DENND3: variants seen among roughly 807,000 people sequenced by gnomAD.
The protein encoded by DENND3 is DENN domain-containing protein 3.
In DENND3, 88 loss-of-function variants were observed where a neutral mutation model predicts 135.1. That is an observed-to-expected ratio of 0.65 (90% confidence interval 0.55 to 0.78). DENND3 has a LOEUF of 0.78. Among genes scored for constraint, DENND3 ranks in the 30% least tolerant of loss-of-function variants. DENND3 has a pLI of 0.00. For synonymous variants in DENND3, 693 were observed against 712.3 expected, an observed-to-expected ratio of 0.97 and a Z score of 0.43; for missense variants, 1,392 against 1,688.4, an observed-to-expected ratio of 0.82 and a Z score of 3.08.
intron 10 of DENND3, among the ~76,000 whole-genome samples, chr8:141,163,777 G>A (rs1039076294): frequency 6.6e-6 from 1 of 151,790 alleles, no homozygotes; most frequent in African/African-American, 2.4e-5. Flanking sequence ...GTGTGGTAGT[G>A]CACGCCTGTA....
rs898497499 is a variant in DENND3, at chr8:141,151,534, C to T, written c.856-85C>T. ...TATGATCACACCACTGCACTCCAGC[C>T]TGGGCTGGGCAACACAGCGAGACCC... On this transcript the variant is annotated intron_variant, in intron 6 of 22. Transcript: ENST00000519811. 1.7e-5 allele frequency: 23 copies of T among 1,330,848 alleles called. No homozygotes were observed. The African/African-American group carries it at 3.1e-4, about 18-fold the overall frequency. The allele number at this position is 1,330,848 out of a possible 1,614,324, so 82.4% of individuals were successfully genotyped here.
intron 14 of DENND3, among the ~76,000 whole-genome samples, 154 bp from the exon 15 acceptor site, chr8:141,176,437 C>G (rs1421697169): frequency 6.6e-6 from 1 of 152,188 alleles, no homozygotes; most frequent in Non-Finnish European, 1.5e-5. Context: ...GGAACACTGC[C>G]CCTCACCCGG....
intron 1 of DENND3, among the ~76,000 whole-genome samples, chr8:141,135,396 C>T (rs1017597686): frequency 1.3e-5 from 2 of 152,164 alleles, no homozygotes; most frequent in Non-Finnish European, 2.9e-5. Context: ...AAGCAGTCCT[C>T]CCGCTTTGGC....
chr8:141,192,551 C>A lies in DENND3; in HGVS notation c.3524C>A (p.Ala1175Glu). The A allele has an allele frequency of 6.3e-7, 1 of 1,586,910 alleles. No homozygotes were observed. ...GAGGAGCAGCTGTGGGCGGCCTGTG[C>A]AGGACGCAGCGAGGTTTACATCTGG... Reference protein sequence around the residue: ...PEEEQLWAACAGRSEVYIWSL... With the variant: ...PEEEQLWAACEGRSEVYIWSL... The change falls in exon 22 of 23, where the codon GCA (alanine) becomes GAA (glutamate). Residue 1175 changes from alanine to glutamate, a missense_variant. Coordinates refer to ENST00000519811, the MANE Select transcript of DENND3 (RefSeq NM_001352890.3).
intron 1 of DENND3, 118 bp from the exon 2 acceptor site, chr8:141,136,391 G>A (rs1441823591): frequency 1.0e-5 from 11 of 1,077,576 alleles, no homozygotes; most frequent in Admixed American, 5.7e-5. Flanking sequence ...AGCCTGAGGC[G>A]CCAGTGTTTA....
At chr8:141,190,109 T>TGTTTGCAC (rs1555556249) in intron 19 of DENND3, among the ~76,000 whole-genome samples, 175 bp from the exon 20 acceptor site, 1 of 151,460 alleles carries the variant, frequency 6.6e-6, no homozygotes, top group Non-Finnish European at 1.5e-5. Context: ...GTTATTATCA[T>TGTTTGCAC]GTTTGCAGGT....
Position 141,168,600 on chromosome 8 carries a change from T to C in DENND3, c.2275+75T>C. 6.7e-7 allele frequency: 1 copy of C among 1,502,668 alleles called. No individual in the cohort carries two copies. The highest frequency in any genetic ancestry group is 1.3e-5 in the South Asian group (1 of 74,760). 93.1% of individuals were successfully genotyped at this position (1,502,668 alleles called of 1,614,324 possible). On this transcript the variant is annotated intron_variant, in intron 13 of 22. Coordinates refer to ENST00000519811, the MANE Select transcript of DENND3 (RefSeq NM_001352890.3). The surrounding 1 kb of genome is among the most constrained non-coding windows in gnomAD (Gnocchi z 6.2). Reference sequence around the variant, plus strand: ...TCTGGCTCTGTCGCCCAGGCTGGAGTGGACTGGCAATCACAGCTCACTGCA... The same window carrying C: ...TCTGGCTCTGTCGCCCAGGCTGGAGCGGACTGGCAATCACAGCTCACTGCA...
intron 13 of DENND3, among the ~76,000 whole-genome samples, chr8:141,170,829 ACTC>A: frequency 6.6e-6 from 1 of 151,560 alleles, no homozygotes; most frequent in Non-Finnish European, 1.5e-5. Context: ...TCCTTCTGTC[ACTC>A]CTCTGTGGCC....
intron 13 of DENND3, among the ~76,000 whole-genome samples, chr8:141,172,968 G>C (rs1821821441): frequency 6.6e-6 from 1 of 152,022 alleles, no homozygotes; most frequent in African/African-American, 2.4e-5. Context: ...AATAAATCCA[G>C]CAACTCAGAA....
chr8:141,191,609 G>C (rs60425954), intron 20 of DENND3: 5 of 152,410 alleles, frequency 3.3e-5, no homozygotes, highest in African/African-American at 1.2e-4. Flanking sequence ...GTGAAGTGGC[G>C]TCTTGTGGTT....
In DENND3 at chr8:141,146,116, G is replaced by A. The variant is rs1037485324; in HGVS notation, c.735+1857G>A. Among the ~76,000 whole-genome samples the A allele has an allele frequency of 2.2e-4, 33 of 152,018 alleles. No homozygotes were observed. Among genetic ancestry groups the A allele is most frequent in the African/African-American group, 8.0e-4 (33 of 41,366 alleles). ...CCCGCCTCGGCCTCCCGAAGTGCTG[G>A]GATTACAGCGTGAGCCACCGCGCCC... is the stretch of plus-strand genomic sequence containing the variant. On this transcript the variant is annotated intron_variant, in intron 5 of 22. Coordinates refer to ENST00000519811, the MANE Select transcript of DENND3 (RefSeq NM_001352890.3). The surrounding 1 kb of genome is among the most constrained non-coding windows in gnomAD (Gnocchi z 4.3).
chr8:141,151,551 G>A (rs1818797950), intron 6 of DENND3, 68 bp from the exon 7 acceptor site: 30 of 1,477,224 alleles, frequency 2.0e-5, no homozygotes, highest in Non-Finnish European at 2.5e-5. Flanking sequence ...GGGCAACACA[G>A]CGAGACCCTG....
rs1377339766 is a variant in DENND3, at chr8:141,128,881, G to C, written c.102+72G>C. The C allele has an allele frequency of 4.4e-6, 5 of 1,149,384 alleles. No individual in the cohort carries two copies. The East Asian group carries it at 1.6e-4, about 37-fold the overall frequency. The allele number at this position is 1,149,384 out of a possible 1,614,324, so 71.2% of individuals were successfully genotyped here. On this transcript the variant is annotated intron_variant, in intron 1 of 22. Transcript: ENST00000519811. This position sits in a 1 kb window ranked among gnomAD's most constrained non-coding sequence, Gnocchi z 4.5. ...CCGGGACAGCAGTCGGAGAGCGGGCGCCCGGGTGCCCTGTGGGTTGGCGCG... is the reference window on the plus strand; with the variant it reads ...CCGGGACAGCAGTCGGAGAGCGGGCCCCCGGGTGCCCTGTGGGTTGGCGCG...
Position 141,144,411 on chromosome 8 carries a change from T to C in DENND3, c.735+152T>C, listed in dbSNP as rs1293359894. On this transcript the variant is annotated intron_variant, in intron 5 of 22. Transcript: ENST00000519811. The surrounding 1 kb of genome is among the most constrained non-coding windows in gnomAD (Gnocchi z 4.4). ...ACCCCCCCGCCTCCCCACAGCTGAC[T>C]GACTGGACCCCCTTTTGGCCAAGGG... 1 of 801,476 alleles carries C rather than the reference T, an allele frequency of 1.2e-6. No individual in the cohort carries two copies. Among genetic ancestry groups the C allele is most frequent in the Non-Finnish European group, 1.9e-6 (1 of 534,434 alleles). 49.6% of individuals were successfully genotyped at this position (801,476 alleles called of 1,614,324 possible).
intron 1 of DENND3, among the ~76,000 whole-genome samples, chr8:141,133,672 C>T (rs966269284): frequency 6.6e-6 from 1 of 152,020 alleles, no homozygotes; most frequent in Non-Finnish European, 1.5e-5. Flanking sequence ...AGAGGCTCTC[C>T]AGGACCAGTG....
intron 13 of DENND3, among the ~76,000 whole-genome samples, chr8:141,172,256 G>A (rs1181411751): frequency 6.6e-6 from 1 of 152,160 alleles, no homozygotes; most frequent in Admixed American, 6.5e-5. Context: ...GGTGTGCACG[G>A]TGGTGGGTTT....
chr8:141,180,901 G>A, intron 17 of DENND3, 47 bp downstream of exon 17: 1 of 1,523,154 alleles, frequency 6.6e-7, no homozygotes, highest in Non-Finnish European at 9.0e-7. Context: ...CAGCCAATCT[G>A]ATGCGCTTAG....
In DENND3 at chr8:141,192,217, G is replaced by T. The variant is rs535093551; in HGVS notation, c.3380-114G>T. The T allele has an allele frequency of 1.6e-5, 23 of 1,445,412 alleles. No individual in the cohort carries two copies. In the East Asian group the frequency reaches 3.9e-4, roughly 25 times the overall value. 89.5% of individuals were successfully genotyped at this position (1,445,412 alleles called of 1,614,324 possible). A position where few individuals can be genotyped will look rare whatever the true frequency, so the allele number is the denominator to read the frequency against. On this transcript the variant is annotated intron_variant, in intron 20 of 22. Coordinates refer to ENST00000519811, the MANE Select transcript of DENND3 (RefSeq NM_001352890.3). ...GCATTCCTCAGGCGCCAGGTGGCAC[G>T]TGGTGATCCCCCCCATCACCACGCT...
At chr8:141,186,336 C>T (rs1406657373) in intron 18 of DENND3, among the ~76,000 whole-genome samples, 1 of 152,096 alleles carries the variant, frequency 6.6e-6, no homozygotes, top group East Asian at 1.9e-4. Flanking sequence ...TCCACCTGTC[C>T]CCACGTGCCA....
Sources: gnomAD v4.1 joint callset for allele counts (sites outside exome capture counted in the v4.1 genomes callset) on GRCh38, gnomAD v4.1.1 for gene constraint, Gnocchi (gnomAD v3.1) non-coding constraint, MANE v1.5 for transcripts, NCBI Gene and HGNC (gene_info 2026-07-23, HGNC 2026-07-21) for gene names.